Variants in NTRK3 observed in about 807,000 individuals in gnomAD.
NTRK3 encodes neurotrophic receptor tyrosine kinase 3.
In NTRK3, 24 loss-of-function variants were observed where a neutral mutation model predicts 91.7. The ratio of observed to expected loss-of-function variants is 0.26; its 90% confidence interval spans 0.19 to 0.37. The LOEUF is 0.37. Among genes scored for constraint, NTRK3 ranks in the 10% least tolerant of loss-of-function variants. NTRK3 has a pLI of 1.00. For missense variants in NTRK3, 880 were observed against 1,068.9 expected, an observed-to-expected ratio of 0.82 and a Z score of 2.46; for synonymous variants, 483 against 404.0, an observed-to-expected ratio of 1.20 and a Z score of -2.34.
intron 5 of NTRK3, among the ~76,000 whole-genome samples, chr15:88,171,964 C>T (rs1223002039): frequency 1.3e-5 from 2 of 152,274 alleles, no homozygotes; most frequent in African/African-American, 4.8e-5. Flanking sequence ...TCAGGCCTCG[C>T]CTGGACCCCT....
At chr15:87,867,941 G>A in exon 19 of NTRK3, 1 of 228,632 alleles carries the variant, frequency 4.4e-6, no homozygotes. Flanking sequence ...AGAAACTCAA[G>A]ATGTAGTCTC....
chr15:87,932,500 G>A (rs563102187), intron 16 of NTRK3, among the ~76,000 whole-genome samples: 59 of 152,244 alleles, frequency 3.9e-4, no homozygotes, highest in African/African-American at 1.4e-3. Flanking sequence ...GAAGAAAATC[G>A]GTCCCCTTTT....
intron 17 of NTRK3, among the ~76,000 whole-genome samples, chr15:87,925,262 G>A (rs2068195035): frequency 6.6e-6 from 1 of 152,250 alleles, no homozygotes; most frequent in East Asian, 1.9e-4. Context: ...AGGAAATTAG[G>A]CAGTTCACCT....
At chr15:87,974,589 A>T (rs2141298313) in intron 14 of NTRK3, among the ~76,000 whole-genome samples, 1 of 152,118 alleles carries the variant, frequency 6.6e-6, no homozygotes, top group African/African-American at 2.4e-5. Context: ...TATCCTAAGG[A>T]TCAGGTTGGT....
At chr15:88,205,608 A>T (rs1306886448) in intron 3 of NTRK3, among the ~76,000 whole-genome samples, 2 of 152,158 alleles carry the variant, frequency 1.3e-5, no homozygotes, top group Admixed American at 1.3e-4. Flanking sequence ...AAGGTAACCC[A>T]ACTGCACACA....
intron 13 of NTRK3, among the ~76,000 whole-genome samples, chr15:88,056,233 T>C (rs2045682803): frequency 6.8e-6 from 1 of 147,680 alleles, no homozygotes; most frequent in East Asian, 2.0e-4. Flanking sequence ...CTTGATCATA[T>C]GGAAGAGTTA....
chr15:88,020,675 C>T (rs1327195722), intron 14 of NTRK3, among the ~76,000 whole-genome samples: 1 of 152,186 alleles, frequency 6.6e-6, no homozygotes, highest in Non-Finnish European at 1.5e-5. Context: ...AGGTGGTCAC[C>T]TTTTCTTATC....
rs964638527 is a variant in NTRK3 at position 88,237,551 on chromosome 15, A to G, written c.248+18355T>C. ...GAGCTAGAAATCATGCACTTTATAT[A>G]TGAGTTGTTTTGCTTATTTACACCT... On this transcript the variant is annotated intron_variant, in intron 3 of 18. Coordinates refer to ENST00000394480, the Ensembl canonical transcript of NTRK3. This position sits in a 1 kb window ranked among gnomAD's most constrained non-coding sequence, Gnocchi z 4.0. 2.0e-5 allele frequency among the ~76,000 whole-genome samples: 3 copies of G among 152,218 alleles called. No homozygotes were observed. Among genetic ancestry groups the G allele is most frequent in the Admixed American group, 6.5e-5 (1 of 15,284 alleles).
At chr15:87,988,716 T>G (rs1449842806) in intron 14 of NTRK3, among the ~76,000 whole-genome samples, 1 of 152,202 alleles carries the variant, frequency 6.6e-6, no homozygotes, top group Admixed American at 6.5e-5. Context: ...TAATTAGTTC[T>G]AATGATTATT....
intron 3 of NTRK3, among the ~76,000 whole-genome samples, chr15:88,254,214 C>CACAT (rs2053753057): frequency 6.6e-6 from 1 of 152,174 alleles, no homozygotes; most frequent in Admixed American, 6.5e-5. Flanking sequence ...ACCCCCTACA[C>CACAT]ACATACACAT....
chr15:87,884,095 C>A, intron 17 of NTRK3, among the ~76,000 whole-genome samples: 1 of 149,594 alleles, frequency 6.7e-6, no homozygotes. Flanking sequence ...ACAAACAAAG[C>A]AAAACAGCCA....
At chr15:87,872,523 T>A (rs2064848618) in exon 19 of NTRK3, 1 of 228,612 alleles carries the variant, frequency 4.4e-6, no homozygotes, top group Admixed American at 5.7e-5. Context: ...TCTCTCCATA[T>A]CTTGGAATAG....
At chr15:87,905,352 T>C (rs2066702099) in intron 17 of NTRK3, among the ~76,000 whole-genome samples, 1 of 152,194 alleles carries the variant, frequency 6.6e-6, no homozygotes, top group African/African-American at 2.4e-5. Context: ...AATTCTTTAC[T>C]TTGTTGTAGC....
At chr15:88,116,102 TG>T (rs999283899) in intron 13 of NTRK3, among the ~76,000 whole-genome samples, 5 of 152,240 alleles carry the variant, frequency 3.3e-5, no homozygotes, top group East Asian at 3.9e-4. Flanking sequence ...ACTCCTTCAG[TG>T]GGGGCAACAG....
exon 19 of NTRK3, chr15:87,871,056 G>A (rs2064817160): frequency 8.7e-6 from 2 of 229,482 alleles, no homozygotes; most frequent in Non-Finnish European, 1.7e-5. Flanking sequence ...TTTAAATTTG[G>A]AACTTAGAAG....
At chr15:88,020,382 T>C (rs899548334) in intron 14 of NTRK3, among the ~76,000 whole-genome samples, 2 of 152,144 alleles carry the variant, frequency 1.3e-5, no homozygotes, top group Non-Finnish European at 2.9e-5. Flanking sequence ...CCTAAGAGCA[T>C]CTTCATAGCT....
intron 15 of NTRK3, among the ~76,000 whole-genome samples, chr15:87,937,761 A>G (rs368080299): frequency 5.9e-5 from 9 of 152,200 alleles, no homozygotes; most frequent in Admixed American, 2.0e-4. Context: ...ACAAGAAGGC[A>G]TGCCACAAGA....
intron 3 of NTRK3, among the ~76,000 whole-genome samples, chr15:88,193,489 T>C (rs2047572122): frequency 1.3e-5 from 2 of 152,158 alleles, no homozygotes; most frequent in Non-Finnish European, 2.9e-5. Flanking sequence ...AGAAATGTCC[T>C]TGGCACCCAG....
At chr15:88,138,063 A>T (rs752207673) in intron 6 of NTRK3, among the ~76,000 whole-genome samples, 1 of 151,774 alleles carries the variant, frequency 6.6e-6, no homozygotes, top group Non-Finnish European at 1.5e-5. Flanking sequence ...AATAAAAAAT[A>T]AAGAAATCCA....
Sources: allele counts gnomAD v4.1 joint callset (sites outside exome capture counted in the v4.1 genomes callset), GRCh38; gene constraint gnomAD v4.1.1; non-coding constraint Gnocchi (gnomAD v3.1); transcripts MANE v1.5; gene names NCBI Gene and HGNC (gene_info 2026-07-23, HGNC 2026-07-21).